VWA8: variants seen among roughly 807,000 people sequenced by gnomAD.
VWA8 encodes the protein von Willebrand factor A domain-containing protein 8.
Under a neutral mutation model 241.5 loss-of-function variants are expected in VWA8, and 221 were observed. The observed-to-expected ratio is 0.91, with a 90% confidence interval of 0.82 to 1.02. VWA8 has a LOEUF of 1.02. Ranked by LOEUF, VWA8 falls within the 50% of genes least tolerant of loss-of-function variation. The pLI, the probability that VWA8 is intolerant of heterozygous loss-of-function variation, is 0.00. For synonymous variants in VWA8, 852 were observed against 827.1 expected, an observed-to-expected ratio of 1.03 and a Z score of -0.52; for missense variants, 2,322 against 2,328.7, an observed-to-expected ratio of 1.00 and a Z score of 0.06.
intron 24 of VWA8, among the ~76,000 whole-genome samples, chr13:41,726,736 T>C (rs138630101): frequency 0.013 from 2,038 of 152,262 alleles, 12 homozygotes; most frequent in South Asian, 0.019. Flanking sequence ...GGCTCACATC[T>C]GCAATCTCAG....
chr13:41,805,572 G>C (rs1315108056), intron 17 of VWA8, among the ~76,000 whole-genome samples: 1 of 152,084 alleles, frequency 6.6e-6, no homozygotes, highest in East Asian at 1.9e-4. Context: ...CCAGCACTTT[G>C]GGAGGCTGAG....
At chr13:41,845,536 T>C (rs1872252724) in intron 12 of VWA8, among the ~76,000 whole-genome samples, 1 of 151,882 alleles carries the variant, frequency 6.6e-6, no homozygotes, top group South Asian at 2.1e-4. Flanking sequence ...TGCAGTACTA[T>C]TCACAACAGC....
chr13:41,891,498 G>A lies in VWA8; in HGVS notation c.573C>T (p.Asn191=). ...AERNVLPVLN[N]LLENREMQLE... ...GCTGCATCTCTCTGTTTTCCAGCAA[G>A]TTGTTCAAAACAGGCAAAACATTCC... Residue 191 remains asparagine (N), a synonymous_variant, in exon 5 of 45, where the codon AAC becomes AAT. Transcript: ENST00000379310. 2 of 1,614,210 alleles carry A rather than the reference G, an allele frequency of 1.2e-6. No homozygotes were observed. Among genetic ancestry groups the A allele is most frequent in the South Asian group, 1.1e-5 (1 of 91,084 alleles).
chr13:41,665,478 T>C (rs1456768226), intron 37 of VWA8, among the ~76,000 whole-genome samples: 2 of 152,078 alleles, frequency 1.3e-5, no homozygotes, highest in Non-Finnish European at 2.9e-5. Flanking sequence ...ATAAATATAA[T>C]AGCAAGAAGC....
intron 26 of VWA8, among the ~76,000 whole-genome samples, chr13:41,712,095 G>A (rs1186489292): frequency 1.3e-5 from 2 of 152,128 alleles, no homozygotes; most frequent in Non-Finnish European, 2.9e-5. Context: ...TGGGAAGGTT[G>A]AGTGGGTGGG....
At chr13:41,618,355 T>C (rs998396555) in intron 37 of VWA8, among the ~76,000 whole-genome samples, 15 of 152,238 alleles carry the variant, frequency 9.9e-5, no homozygotes, top group African/African-American at 3.4e-4. Context: ...TTTAAGTTCA[T>C]TGTAGATTCT....
intron 37 of VWA8, among the ~76,000 whole-genome samples, chr13:41,645,111 G>T (rs1370699994): frequency 6.6e-6 from 1 of 152,136 alleles, no homozygotes; most frequent in African/African-American, 2.4e-5. Context: ...TGTAAAACAA[G>T]GATAGTAATG....
At position 41,938,290 on chromosome 13, in the gene VWA8, G is replaced by T. The variant is rs558216600; in HGVS notation, c.241+11646C>A. On this transcript the variant is annotated intron_variant, in intron 2 of 44. Coordinates refer to ENST00000379310, the MANE Select transcript of VWA8 (RefSeq NM_015058.2). ...AAAGATTGCTATAGAGACTCTACAGGATACTTCAGAACACGTTCAAGGGCT... is the reference window on the plus strand; with the variant it reads ...AAAGATTGCTATAGAGACTCTACAGTATACTTCAGAACACGTTCAAGGGCT... Among the ~76,000 whole-genome samples, 9 of 152,112 alleles carry T rather than the reference G, an allele frequency of 5.9e-5. No homozygotes were observed. In the East Asian group the frequency reaches 1.7e-3, roughly 29 times the overall value.
intron 26 of VWA8, among the ~76,000 whole-genome samples, chr13:41,711,743 G>A (rs377049701): frequency 2.6e-5 from 4 of 151,932 alleles, no homozygotes; most frequent in South Asian, 2.1e-4. Context: ...GCGTGGTGGC[G>A]GGTGCCTATA....
intron 12 of VWA8, among the ~76,000 whole-genome samples, chr13:41,857,742 CTT>C (rs1872814391): frequency 1.3e-5 from 2 of 152,080 alleles, no homozygotes; most frequent in Admixed American, 6.5e-5. Flanking sequence ...TCTGCTAACT[CTT>C]TAGGCACTGT....
At chr13:41,802,608 G>A (rs181741596) in intron 17 of VWA8, among the ~76,000 whole-genome samples, 1 of 152,326 alleles carries the variant, frequency 6.6e-6, no homozygotes, top group East Asian at 1.9e-4. Context: ...AAGGAGAGGG[G>A]AGAGCAAAGA....
chr13:41,932,955 A>C (rs1384017340), intron 2 of VWA8, among the ~76,000 whole-genome samples: 1 of 152,018 alleles, frequency 6.6e-6, no homozygotes, highest in Non-Finnish European at 1.5e-5. Flanking sequence ...GTTTTATATA[A>C]TAAATTACAT....
At chr13:41,748,396 A>G (rs888120982) in intron 21 of VWA8, among the ~76,000 whole-genome samples, 37 of 152,208 alleles carry the variant, frequency 2.4e-4, no homozygotes, top group African/African-American at 8.2e-4. Context: ...AGAGGTGTTT[A>G]TAGTATTCTC....
chr13:41,820,721 A>G (rs1870917132), intron 14 of VWA8, among the ~76,000 whole-genome samples: 1 of 152,238 alleles, frequency 6.6e-6, no homozygotes, highest in Admixed American at 6.5e-5. Flanking sequence ...AGTCCAGAGG[A>G]TAGCACAATT....
chr13:41,649,116 C>A (rs573415556), intron 37 of VWA8, among the ~76,000 whole-genome samples: 1 of 152,230 alleles, frequency 6.6e-6, no homozygotes, highest in South Asian at 2.1e-4. Flanking sequence ...ACCCGGGAGG[C>A]GGAGTTGCAG....
At chr13:41,759,319 T>C (rs1042183032) in intron 21 of VWA8, among the ~76,000 whole-genome samples, 1 of 151,644 alleles carries the variant, frequency 6.6e-6, no homozygotes, top group Non-Finnish European at 1.5e-5. Flanking sequence ...TGTTCCCCTA[T>C]AGGTAATACG....
chr13:41,835,976 T>TC (rs1871707710), intron 12 of VWA8, among the ~76,000 whole-genome samples: 1 of 152,168 alleles, frequency 6.6e-6, no homozygotes, highest in Non-Finnish European at 1.5e-5. Flanking sequence ...GGGGAACTTT[T>TC]GAAACATATA....
At chr13:41,757,418 T>C (rs962599299) in intron 21 of VWA8, among the ~76,000 whole-genome samples, 1 of 151,676 alleles carries the variant, frequency 6.6e-6, no homozygotes, top group Non-Finnish European at 1.5e-5. Context: ...AAAGAACCAG[T>C]ATTAGTCTTC....
intron 4 of VWA8, among the ~76,000 whole-genome samples, chr13:41,898,789 G>A (rs1285224751): frequency 2.1e-5 from 2 of 94,510 alleles, no homozygotes; most frequent in Non-Finnish European, 4.2e-5. Flanking sequence ...ACTGCTGGGG[G>A]ACCCAGTACA....
Sources: gnomAD v4.1 joint callset for allele counts (sites outside exome capture counted in the v4.1 genomes callset) on GRCh38, gnomAD v4.1.1 for gene constraint, MANE v1.5 for transcripts, NCBI Gene and HGNC (gene_info 2026-07-23, HGNC 2026-07-21) for gene names.